Variants in UBR3 observed in about 807,000 individuals in gnomAD.
UBR3 encodes the protein ubiquitin protein ligase E3 component n-recognin 3.
Under a neutral mutation model 243.2 loss-of-function variants are expected in UBR3, and 85 were observed. That is an observed-to-expected ratio of 0.35 (90% CI 0.29 to 0.42). The LOEUF (loss-of-function observed/expected upper bound fraction) is 0.42. Among genes scored for constraint, UBR3 ranks in the 10% least tolerant of loss-of-function variants. UBR3 has a pLI of 1.00. For missense variants in UBR3, 1,686 were observed against 2,300.8 expected, an observed-to-expected ratio of 0.73 and a Z score of 5.47; for synonymous variants, 748 against 799.8, an observed-to-expected ratio of 0.94 and a Z score of 1.09.
intron 10 of UBR3, among the ~76,000 whole-genome samples, chr2:169,907,769 T>G (rs952179281): frequency 1.3e-5 from 2 of 151,810 alleles, no homozygotes; most frequent in African/African-American, 4.8e-5. Flanking sequence ...TCTTTTTTTT[T>G]AATTTTTAAA....
chr2:170,082,014 ATTTT>A lies in UBR3; in HGVS notation c.*180_*183del. ...GCTTGGTAATCACGTTAATGGTATA[ATTTT>A]TTTTTTTTAATATCTGGAGAACATT... On this transcript the variant is annotated 3_prime_UTR_variant, in exon 39 of 39. Coordinates refer to ENST00000272793, the MANE Select transcript of UBR3 (RefSeq NM_172070.4). 5.6e-6 allele frequency: 2 copies of A among 354,968 alleles called. No individual in the cohort carries two copies. Among genetic ancestry groups the A allele is most frequent in the Non-Finnish European group, 1.0e-5 (2 of 196,102 alleles). 22.0% of individuals were successfully genotyped at this position (354,968 alleles called of 1,614,324 possible).
chr2:169,877,677 T>G (rs2083666687), intron 4 of UBR3, 40 bp downstream of exon 4: 2 of 1,510,930 alleles, frequency 1.3e-6, no homozygotes, highest in Non-Finnish European at 1.8e-6. Context: ...GTAACTTTTC[T>G]GTATTAAAAC....
At chr2:170,070,112 T>TAATA (rs1574478861) in intron 35 of UBR3, among the ~76,000 whole-genome samples, 1 of 152,162 alleles carries the variant, frequency 6.6e-6, no homozygotes, top group African/African-American at 2.4e-5. Flanking sequence ...TTAGGTTGAT[T>TAATA]AATATCTTTG....
intron 24 of UBR3, among the ~76,000 whole-genome samples, chr2:169,974,498 C>T (rs1238296990): frequency 6.6e-6 from 1 of 151,978 alleles, no homozygotes; most frequent in Non-Finnish European, 1.5e-5. Context: ...ATTTCCGTGG[C>T]ATCGTTTGTA....
At chr2:169,858,523 CTG>C (rs2082970136) in intron 1 of UBR3, among the ~76,000 whole-genome samples, 2 of 151,890 alleles carry the variant, frequency 1.3e-5, no homozygotes, top group South Asian at 4.2e-4. Context: ...GGTATTTTCT[CTG>C]TGTGTTAAGA....
intron 1 of UBR3, among the ~76,000 whole-genome samples, chr2:169,847,770 AT>A (rs2105290374): frequency 6.6e-6 from 1 of 152,294 alleles, no homozygotes; most frequent in East Asian, 1.9e-4. Context: ...AGTTTGGCTG[AT>A]GGGAACAGAC....
At chr2:169,854,779 A>G (rs1457935041) in intron 1 of UBR3, among the ~76,000 whole-genome samples, 1 of 152,130 alleles carries the variant, frequency 6.6e-6, no homozygotes, top group African/African-American at 2.4e-5. Flanking sequence ...ATCTCAGGGT[A>G]AAGAAGTTTT....
chr2:169,862,707 A>G (rs2083132967), intron 1 of UBR3, among the ~76,000 whole-genome samples: 1 of 152,140 alleles, frequency 6.6e-6, no homozygotes, highest in African/African-American at 2.4e-5. Context: ...AGATTGGTTT[A>G]GGTAGATATC....
At chr2:169,938,147 T>C (rs2086418257) in intron 19 of UBR3, among the ~76,000 whole-genome samples, 1 of 152,192 alleles carries the variant, frequency 6.6e-6, no homozygotes, top group African/African-American at 2.4e-5. Context: ...TTTATAAAGG[T>C]ATCAGGTGCT....
At chr2:169,845,556 TTC>T (rs2082450035) in intron 1 of UBR3, among the ~76,000 whole-genome samples, 1 of 150,328 alleles carries the variant, frequency 6.7e-6, no homozygotes, top group Non-Finnish European at 1.5e-5. Context: ...TTCTTCTTTC[TTC>T]TTCTTCTTCT....
intron 1 of UBR3, among the ~76,000 whole-genome samples, chr2:169,863,459 T>G (rs549976206): frequency 6.6e-6 from 1 of 152,332 alleles, no homozygotes; most frequent in South Asian, 2.1e-4. Context: ...TATTTTATCA[T>G]TCTATTATTG....
At chr2:169,864,041 T>C (rs768535751) in intron 1 of UBR3, among the ~76,000 whole-genome samples, 4 of 152,218 alleles carry the variant, frequency 2.6e-5, no homozygotes, top group Admixed American at 1.3e-4. Flanking sequence ...TCAAATACTT[T>C]CTTTTTCTTT....
intron 31 of UBR3, among the ~76,000 whole-genome samples, chr2:170,036,315 C>T (rs891635534): frequency 2.0e-5 from 3 of 152,018 alleles, no homozygotes; most frequent in African/African-American, 7.2e-5. Context: ...TCACAATGAT[C>T]ATATTAAACC....
intron 19 of UBR3, among the ~76,000 whole-genome samples, chr2:169,938,248 T>C (rs1241017910): frequency 6.6e-6 from 1 of 152,148 alleles, no homozygotes; most frequent in Non-Finnish European, 1.5e-5. Context: ...TTATCAGTTA[T>C]ATGATTTGCA....
intron 1 of UBR3, among the ~76,000 whole-genome samples, chr2:169,847,571 C>T (rs969238633): frequency 6.6e-6 from 1 of 152,084 alleles, no homozygotes; most frequent in Non-Finnish European, 1.5e-5. Context: ...TATTTACAGT[C>T]AACAATTTTA....
intron 7 of UBR3, 71 bp from the exon 8 acceptor site, chr2:169,896,436 T>C: frequency 1.0e-6 from 1 of 967,326 alleles, no homozygotes; most frequent in Admixed American, 3.2e-5. Context: ...GTTAACATGA[T>C]ATATTGAAAA....
chr2:169,834,943 T>A (rs1164836049), intron 1 of UBR3, among the ~76,000 whole-genome samples: 1 of 152,034 alleles, frequency 6.6e-6, no homozygotes, highest in Non-Finnish European at 1.5e-5. Context: ...TATGCTTCGG[T>A]CTATATGAAG....
chr2:170,073,552 C>T lies in UBR3; in HGVS notation c.5144C>T (p.Thr1715Ile), dbSNP rs1367359744. 7 of 1,613,600 alleles carry T rather than the reference C, an allele frequency of 4.3e-6. No homozygotes were observed. The Admixed American group carries it at 8.3e-5, about 19-fold the overall frequency. ...DWPVPAFDII[T>I]QWCFEIKSFT... ...CCAGTTCCAGCATTTGATATTATAA[C>T]TCAGTGGTGTTTTGAGATAAAATCA... is the stretch of plus-strand genomic sequence containing the variant. The change falls in exon 36 of 39, where the codon ACT becomes ATT. Residue 1715 changes from threonine to isoleucine, a missense_variant. By Grantham distance (89) the Thr-to-Ile change is moderately conservative. Transcript: ENST00000272793.
chr2:169,856,019 C>G (rs1334629734), intron 1 of UBR3, among the ~76,000 whole-genome samples: 1 of 151,860 alleles, frequency 6.6e-6, no homozygotes, highest in Non-Finnish European at 1.5e-5. Flanking sequence ...GGCGGAGACG[C>G]TCCTCACCTG....
Sources: gnomAD v4.1 joint callset for allele counts (sites outside exome capture counted in the v4.1 genomes callset) on GRCh38, gnomAD v4.1.1 for gene constraint, MANE v1.5 for transcripts, NCBI Gene and HGNC (gene_info 2026-07-23, HGNC 2026-07-21) for gene names.